The following RBFOX1 variants were observed in gnomAD, a reference collection of about 807,000 sequenced individuals.
RBFOX1 encodes RNA binding protein fox-1 homolog 1.
A neutral mutation model predicts 57.7 loss-of-function variants in RBFOX1; 8 were observed. That is an observed-to-expected ratio of 0.14 (90% CI 0.08 to 0.25). The LOEUF (loss-of-function observed/expected upper bound fraction) is 0.25, where lower values mean the gene tolerates loss of function less well. Ranked by LOEUF, RBFOX1 falls within the 10% of genes least tolerant of loss-of-function variation. The pLI is 1.00. For synonymous variants in RBFOX1, 326 were observed against 222.4 expected (o/e 1.47, Z -4.15); for missense variants, 611 against 548.5 (o/e 1.11, Z -1.14).
chr16:6,070,001 C>A (rs67181455), intron 1 of RBFOX1, among the ~76,000 whole-genome samples: 21,405 of 152,054 alleles, frequency 0.14, 2,212 homozygotes, highest in East Asian at 0.35. Flanking sequence ...AATAAACAAT[C>A]CCCCCAAAAC....
intron 1 of RBFOX1, among the ~76,000 whole-genome samples, chr16:6,122,321 C>G (rs2096556502): frequency 6.6e-6 from 1 of 151,446 alleles, no homozygotes; most frequent in African/African-American, 2.4e-5. Flanking sequence ...TTGTGTATTT[C>G]TGTTATTTAT....
intron 1 of RBFOX1, among the ~76,000 whole-genome samples, chr16:6,142,548 C>G (rs1175035201): frequency 2.6e-5 from 4 of 152,116 alleles, no homozygotes; most frequent in Middle Eastern, 3.2e-3. Flanking sequence ...TAGAAAAACA[C>G]TCAGAACATT....
At chr16:5,879,904 G>T (rs999750114) in intron 4 of RBFOX1, among the ~76,000 whole-genome samples, 1 of 152,142 alleles carries the variant, frequency 6.6e-6, no homozygotes, top group Non-Finnish European at 1.5e-5. Context: ...TTGCCTTAGC[G>T]CAGAGATGGC....
chr16:5,800,877 G>A (rs1277029109), intron 3 of RBFOX1, among the ~76,000 whole-genome samples: 5 of 152,010 alleles, frequency 3.3e-5, no homozygotes, highest in Middle Eastern at 3.2e-3. Context: ...CGGTCCTAGG[G>A]CAAAAATGAG....
intron 3 of RBFOX1, among the ~76,000 whole-genome samples, chr16:6,698,349 C>G (rs991879656): frequency 5.9e-5 from 9 of 152,140 alleles, no homozygotes; most frequent in Middle Eastern, 3.2e-3. Flanking sequence ...CTGCATTGAT[C>G]TTCAAGTGCA....
At chr16:7,082,232 G>A (rs2059311355) in intron 4 of RBFOX1, among the ~76,000 whole-genome samples, 1 of 152,038 alleles carries the variant, frequency 6.6e-6, no homozygotes, top group Non-Finnish European at 1.5e-5. Flanking sequence ...ACCTTCTCAG[G>A]AGCTTCAGTT....
chr16:7,707,565 A>T (rs2082881964), intron 14 of RBFOX1, among the ~76,000 whole-genome samples: 1 of 152,126 alleles, frequency 6.6e-6, no homozygotes, highest in South Asian at 2.1e-4. Flanking sequence ...TGAGTGTCTG[A>T]TGCATTCATG....
chr16:7,032,802 A>G (rs189513589), intron 3 of RBFOX1, among the ~76,000 whole-genome samples: 1 of 152,234 alleles, frequency 6.6e-6, no homozygotes, highest in Admixed American at 6.5e-5. Context: ...GTCTACCTGA[A>G]CTAAAAATGC....
rs142225480 is a variant in RBFOX1 at position 7,709,131 on chromosome 16, G to A, written c.1071G>A (p.Met357Ile). The stretch of plus-strand genomic sequence containing the variant: ...CCCCCACCTACGGCGTTGGTGCCAT[G>A]GTGAGTACAAGTTTCTCCTTGTCCT... Reference protein sequence around the residue: ...APAPTYGVGAMNAFAPLTDAK... With the variant: ...APAPTYGVGAINAFAPLTDAK... The change falls in exon 15 of 16, where the codon ATG (methionine) becomes ATA (isoleucine). Residue 357 changes from methionine (M) to isoleucine (I), a missense_variant and splice_region_variant. Met to Ile is a conservative substitution (Grantham distance 10). Around this residue, in one of 3 missense-constraint regions of RBFOX1, gnomAD observed 267 missense variants for 229.1 expected, o/e 1.17. Coordinates refer to ENST00000550418, the MANE Select transcript of RBFOX1 (RefSeq NM_018723.4). 6.2e-7 allele frequency: 1 copy of A among 1,611,732 alleles called. No homozygotes were observed. The highest frequency in any genetic ancestry group is 8.5e-7 in the Non-Finnish European group (1 of 1,178,126).
intron 4 of RBFOX1, among the ~76,000 whole-genome samples, chr16:7,114,108 A>G (rs949752892): frequency 2.0e-5 from 3 of 152,202 alleles, no homozygotes; most frequent in Non-Finnish European, 4.4e-5. Context: ...ATTTTAAGAA[A>G]AAAGAAACCT....
intron 1 of RBFOX1, chr16:5,270,945 A>G (rs2062989156): frequency 2.6e-6 from 1 of 380,818 alleles, no homozygotes; most frequent in Non-Finnish European, 4.9e-6. Context: ...TAGTCCAAGA[A>G]TCTGTTTAAA....
chr16:6,869,664 C>G (rs904413499), intron 3 of RBFOX1, among the ~76,000 whole-genome samples: 3 of 152,112 alleles, frequency 2.0e-5, no homozygotes, highest in Admixed American at 6.5e-5. Flanking sequence ...GGATTTTTAC[C>G]CTTCTCAAAA....
intron 2 of RBFOX1, among the ~76,000 whole-genome samples, chr16:6,471,207 C>G (rs2095167028): frequency 6.6e-6 from 1 of 152,152 alleles, no homozygotes; most frequent in Admixed American, 6.5e-5. Flanking sequence ...GGTTTGAATG[C>G]CTTTCTCCCC....
chr16:6,723,731 G>T (rs1228366332), intron 3 of RBFOX1: 1 of 150,116 alleles, frequency 6.7e-6, no homozygotes, highest in Non-Finnish European at 1.5e-5. Context: ...GTCTCGTGAA[G>T]ATTTTTTTTT....
chr16:5,647,129 A>T (rs992375671), intron 3 of RBFOX1, among the ~76,000 whole-genome samples: 10 of 152,210 alleles, frequency 6.6e-5, no homozygotes, highest in African/African-American at 2.4e-4. Context: ...GTTTTAATGC[A>T]TCAGTGGACA....
At chr16:6,153,975 CAATA>C (rs1230194833) in intron 1 of RBFOX1, among the ~76,000 whole-genome samples, 3 of 152,156 alleles carry the variant, frequency 2.0e-5, no homozygotes, top group African/African-American at 7.2e-5. Context: ...AGCAACAACA[CAATA>C]AAACAAATGG....
chr16:6,445,621 T>C (rs2094469020), intron 2 of RBFOX1, among the ~76,000 whole-genome samples: 1 of 149,642 alleles, frequency 6.7e-6, no homozygotes, highest in Non-Finnish European at 1.5e-5. Context: ...CCTTACTCTG[T>C]TGCCAGGATG....
At chr16:5,646,176 C>T (rs896860926) in intron 3 of RBFOX1, among the ~76,000 whole-genome samples, 11 of 134,164 alleles carry the variant, frequency 8.2e-5, no homozygotes, top group African/African-American at 2.3e-4. Context: ...ATTACAGGCA[C>T]GTGCTATTTT....
intron 1 of RBFOX1, among the ~76,000 whole-genome samples, chr16:5,381,651 CA>C (rs766525302): frequency 1.4e-4 from 22 of 152,168 alleles, no homozygotes; most frequent in Non-Finnish European, 2.8e-4. Context: ...AACATTAAAT[CA>C]AATAATGCAC....
Sources: allele counts gnomAD v4.1 joint callset (sites outside exome capture counted in the v4.1 genomes callset), GRCh38; gene constraint gnomAD v4.1.1; regional missense constraint gnomAD v4.1.1; transcripts MANE v1.5; gene names NCBI Gene and HGNC (gene_info 2026-07-23, HGNC 2026-07-21).